The following LUC7L3 variants were observed in gnomAD, a reference collection of about 807,000 sequenced individuals.
LUC7L3 encodes the protein LUC7 like 3 pre-mRNA splicing factor.
Under a neutral mutation model 66.8 loss-of-function variants are expected in LUC7L3, and 6 were observed. That is an observed-to-expected ratio of 0.09 (90% CI 0.05 to 0.18). The LOEUF is 0.18. Among genes scored for constraint, LUC7L3 ranks in the 10% least tolerant of loss-of-function variants. The probability of loss-of-function intolerance (pLI) is 1.00; values close to 1 mark genes in which losing one functional copy is unlikely to be tolerated. For synonymous variants in LUC7L3, 160 were observed against 174.7 expected, an observed-to-expected ratio of 0.92 and a Z score of 0.66; for missense variants, 341 against 531.1, an observed-to-expected ratio of 0.64 and a Z score of 3.52.
rs896010413 is a variant in LUC7L3, at chr17:50,749,577, T to C, written c.1139-924T>C. 4.6e-5 allele frequency among the ~76,000 whole-genome samples: 7 copies of C among 152,120 alleles called. No homozygotes were observed. In the South Asian group the frequency reaches 1.2e-3, roughly 27 times the overall value. ...ATATTTGGTGTTACGTCTTCATAAC[T>C]GTGCAGAAACTATGTAGAGGGTTCT... On this transcript the variant is annotated intron_variant, in intron 9 of 9. Transcript: ENST00000505658.
chr17:50,742,874 A>G (rs1464754400), intron 5 of LUC7L3, among the ~76,000 whole-genome samples: 5 of 152,354 alleles, frequency 3.3e-5, no homozygotes, highest in Non-Finnish European at 5.9e-5. Context: ...ATGTATCTAT[A>G]TGGTGGAATG....
chr17:50,736,817 C>T, intron 1 of LUC7L3, 143 bp from the exon 2 acceptor site: 2 of 609,770 alleles, frequency 3.3e-6, no homozygotes, highest in Non-Finnish European at 5.8e-6. Context: ...ACTAATTTAC[C>T]TAATATGATT....
In LUC7L3 at chr17:50,745,712, T is replaced by A. The variant is rs762080444; in HGVS notation, c.694-8T>A. The A allele has an allele frequency of 4.3e-5, 68 of 1,568,438 alleles. No individual in the cohort carries two copies. Among genetic ancestry groups the A allele is most frequent in the Non-Finnish European group, 5.8e-5 (68 of 1,165,900 alleles). On this transcript the variant is annotated splice_polypyrimidine_tract_variant and splice_region_variant and intron_variant, in intron 7 of 9. Coordinates refer to ENST00000505658, the MANE Select transcript of LUC7L3 (RefSeq NM_016424.5). ...CATTTGCATAAGAATCCAACTTGATTTTTCTAGGAAAAGTTAAGGAAAAGA... is the reference window on the plus strand; with the variant it reads ...CATTTGCATAAGAATCCAACTTGATATTTCTAGGAAAAGTTAAGGAAAAGA...
chr17:50,741,432 A>G lies in LUC7L3; in HGVS notation c.351+186A>G, dbSNP rs943728740. On this transcript the variant is annotated intron_variant, in intron 4 of 9. Coordinates refer to ENST00000505658, the MANE Select transcript of LUC7L3 (RefSeq NM_016424.5). ...ACATAACACTGATTTTGCTAACCATAAGATTTTTCTTTGTTTTTATTTTTC... is the reference window on the plus strand; with the variant it reads ...ACATAACACTGATTTTGCTAACCATGAGATTTTTCTTTGTTTTTATTTTTC... 4.0e-5 allele frequency: 29 copies of G among 721,290 alleles called. 1 individual carries two copies. The highest frequency in any genetic ancestry group is 6.5e-6 in the Non-Finnish European group (3 of 460,956). The allele number at this position is 721,290 out of a possible 1,614,324, so 44.7% of individuals were successfully genotyped here. A position where few individuals can be genotyped will look rare whatever the true frequency, so the allele number is the denominator to read the frequency against.
rs1971049140 is a variant in LUC7L3, at chr17:50,753,206, T to A, written c.*2545T>A. The A allele has an allele frequency of 6.6e-6, 1 of 152,586 alleles. No individual in the cohort carries two copies. The highest frequency in any genetic ancestry group is 1.5e-5 in the Non-Finnish European group (1 of 68,022). 9.5% of individuals were successfully genotyped at this position (152,586 alleles called of 1,614,324 possible). A position where few individuals can be genotyped will look rare whatever the true frequency, so the allele number is the denominator to read the frequency against. On this transcript the variant is annotated 3_prime_UTR_variant, in exon 10 of 10. Transcript: ENST00000505658. ...CTTCTTCGACTGTATAAAAGTATTC[T>A]CTCCAGCTACGTATATACACACATA...
At chr17:50,745,476 A>G (rs1234691993) in intron 7 of LUC7L3, among the ~76,000 whole-genome samples, 1 of 151,536 alleles carries the variant, frequency 6.6e-6, no homozygotes, top group African/African-American at 2.4e-5. Context: ...AAATTTTGCT[A>G]TTTATTGAAC....
rs1258031778 is a variant in LUC7L3 at position 50,721,846 on chromosome 17, A to C, written c.99+2015A>C. ...TTTTTGCATTCCTGTTCTATCTGGA[A>C]ATTTTTCTTGGCCATACTTGCATTA... On this transcript the variant is annotated intron_variant, in intron 1 of 9. Transcript: ENST00000505658. Among the ~76,000 whole-genome samples, 3 of 152,008 alleles carry C rather than the reference A, an allele frequency of 2.0e-5. No homozygotes were observed. In the East Asian group the frequency reaches 5.8e-4, roughly 29 times the overall value.
intron 1 of LUC7L3, among the ~76,000 whole-genome samples, chr17:50,730,939 C>CA (rs1384909212): frequency 2.6e-5 from 4 of 151,736 alleles, no homozygotes; most frequent in Admixed American, 6.6e-5. Context: ...GGCTCTGTCT[C>CA]AAAAAAATAA....
Position 50,747,349 on chromosome 17 carries a change from G to C in LUC7L3, c.1138+647G>C, listed in dbSNP as rs1047433910. Among the ~76,000 whole-genome samples, 6 of 149,216 alleles carry C rather than the reference G, an allele frequency of 4.0e-5. 1 individual carries two copies. In the East Asian group the frequency reaches 1.2e-3, roughly 29 times the overall value. Reference sequence around the variant, plus strand: ...CACAAGAATATTCTCATCTAACTTAGCCTTTATTGGAAGATAATTCTGTTA... The same window carrying C: ...CACAAGAATATTCTCATCTAACTTACCCTTTATTGGAAGATAATTCTGTTA... On this transcript the variant is annotated intron_variant, in intron 9 of 9. Coordinates refer to ENST00000505658, the MANE Select transcript of LUC7L3 (RefSeq NM_016424.5).
rs761399046 is a variant in LUC7L3 at position 50,741,699 on chromosome 17, C to T, written c.394C>T (p.Leu132=). The T allele has an allele frequency of 1.7e-5, 27 of 1,613,832 alleles. No homozygotes were observed. Among genetic ancestry groups the T allele is most frequent in the Non-Finnish European group, 2.3e-5 (27 of 1,179,886 alleles). ...CAAAAATGAAGAAAAAATTCAGGTT[C>T]TAACAGACAAAATTGATGTACTTCT... ...TGKNEEKIQV[L]TDKIDVLLQQ... The change falls in exon 5 of 10, where the codon CTA becomes TTA. Residue 132 remains leucine, a synonymous_variant. Transcript: ENST00000505658.
At chr17:50,733,295 G>A (rs764771776) in intron 1 of LUC7L3, among the ~76,000 whole-genome samples, 1 of 149,680 alleles carries the variant, frequency 6.7e-6, no homozygotes, top group East Asian at 1.9e-4. Context: ...CCGGTGGTGC[G>A]ATCTCTGCTC....
intron 6 of LUC7L3, among the ~76,000 whole-genome samples, chr17:50,744,048 T>C (rs957721502): frequency 6.6e-6 from 1 of 152,266 alleles, no homozygotes; most frequent in Admixed American, 6.5e-5. Context: ...AAAAGGCCTC[T>C]CTGGCTTGCC....
In LUC7L3 at chr17:50,751,932, G is replaced by A; in HGVS notation, c.*1271G>A. On this transcript the variant is annotated 3_prime_UTR_variant, in exon 10 of 10. Transcript: ENST00000505658. Reference sequence around the variant, plus strand: ...TGGGACAAAATATTCCTAATGAAAGGAAGTACCAATTAGTTGATTTGTTGG... The same window carrying A: ...TGGGACAAAATATTCCTAATGAAAGAAAGTACCAATTAGTTGATTTGTTGG... 9.7e-7 allele frequency: 1 copy of A among 1,031,816 alleles called. No individual in the cohort carries two copies. Among genetic ancestry groups the A allele is most frequent in the Non-Finnish European group, 1.2e-6 (1 of 857,408 alleles). 63.9% of individuals were successfully genotyped at this position (1,031,816 alleles called of 1,614,324 possible).
chr17:50,735,855 G>C (rs1456008899), intron 1 of LUC7L3, among the ~76,000 whole-genome samples: 2 of 152,128 alleles, frequency 1.3e-5, no homozygotes, highest in Non-Finnish European at 2.9e-5. Context: ...CCCCAGAGCT[G>C]GGCACAGTGG....
Position 50,741,035 on chromosome 17 carries a change from A to G in LUC7L3, c.207-67A>G, listed in dbSNP as rs1007767311. The stretch of plus-strand genomic sequence containing the variant: ...GGAATAGTCGTTGAGGCTAGTTAAG[A>G]TAGAATATTTGAGTTGTAATGGCTG... On this transcript the variant is annotated intron_variant, in intron 3 of 9. Transcript: ENST00000505658. The G allele has an allele frequency of 4.7e-5, 70 of 1,494,578 alleles. 1 individual carries two copies. The Middle Eastern group carries it at 5.2e-4, about 11-fold the overall frequency. 92.6% of individuals were successfully genotyped at this position (1,494,578 alleles called of 1,614,324 possible).
At chr17:50,740,214 T>G (rs1970259852) in intron 2 of LUC7L3, 92 bp from the exon 3 acceptor site, 2 of 978,882 alleles carry the variant, frequency 2.0e-6, no homozygotes, top group African/African-American at 3.4e-5. Flanking sequence ...GAATCCTTTT[T>G]CTTTTTAAAA....
Position 50,745,771 on chromosome 17 carries a change from AAGG to A in LUC7L3, c.748_750del (p.Glu250del). 6.3e-7 allele frequency: 1 copy of A among 1,596,878 alleles called. No individual in the cohort carries two copies. The highest frequency in any genetic ancestry group is 8.5e-7 in the Non-Finnish European group (1 of 1,174,882). ...ACCTGATCGTGATGAGCGTCTAAAA[AAGG>A]AGAAGCAAGAAAGAGAAGAAAGAGA... On this transcript the variant is annotated inframe_deletion, in exon 8 of 10. Coordinates refer to ENST00000505658, the MANE Select transcript of LUC7L3 (RefSeq NM_016424.5).
intron 1 of LUC7L3, among the ~76,000 whole-genome samples, chr17:50,735,651 C>T (rs1969936696): frequency 6.6e-6 from 1 of 152,064 alleles, no homozygotes; most frequent in African/African-American, 2.4e-5. Flanking sequence ...GACTGTGCCA[C>T]CATGCCTGGC....
rs1189250756 is a variant in LUC7L3 at position 50,751,161 on chromosome 17, A to G, written c.*500A>G. 2.7e-6 allele frequency: 4 copies of G among 1,481,196 alleles called. No homozygotes were observed. Among genetic ancestry groups the G allele is most frequent in the Non-Finnish European group, 3.6e-6 (4 of 1,120,008 alleles). 91.8% of individuals were successfully genotyped at this position (1,481,196 alleles called of 1,614,324 possible). A position where few individuals can be genotyped will look rare whatever the true frequency, so the allele number is the denominator to read the frequency against. On this transcript the variant is annotated 3_prime_UTR_variant, in exon 10 of 10. Coordinates refer to ENST00000505658, the MANE Select transcript of LUC7L3 (RefSeq NM_016424.5). Reference sequence around the variant, plus strand: ...TTAAACTGCTAGTATTTCTTTGTCAAGGATGTTTCTAGTTTTTTGCTTTAT... The same window carrying G: ...TTAAACTGCTAGTATTTCTTTGTCAGGGATGTTTCTAGTTTTTTGCTTTAT...
Sources: allele counts gnomAD v4.1 joint callset (sites outside exome capture counted in the v4.1 genomes callset), GRCh38; gene constraint gnomAD v4.1.1; transcripts MANE v1.5; gene names NCBI Gene and HGNC (gene_info 2026-07-23, HGNC 2026-07-21).